Variants in RORB observed in about 807,000 individuals in gnomAD.
RORB encodes the protein RAR related orphan receptor B, also known as nuclear receptor ROR-beta.
RORB carries 6 observed loss-of-function variants against 59.1 expected under a neutral mutation model. That is an observed-to-expected ratio of 0.10 (90% CI 0.06 to 0.20). The LOEUF (loss-of-function observed/expected upper bound fraction) is 0.20, where lower values mean the gene tolerates loss of function less well. RORB is among the 10% of genes least tolerant of loss of function. The pLI is 1.00. For synonymous variants in RORB, 215 were observed against 204.5 expected (o/e 1.05, Z -0.44); for missense variants, 320 against 560.5 (o/e 0.57, Z 4.33).
At chr9:74,646,574 C>T (rs925963690) in intron 4 of RORB, among the ~76,000 whole-genome samples, 13 of 152,164 alleles carry the variant, frequency 8.5e-5, no homozygotes, top group African/African-American at 3.1e-4. Context: ...GAGCCTCACA[C>T]CAGTTCCTTC....
intron 2 of RORB, 65 bp downstream of exon 2, chr9:74,630,432 C>T (rs986107287): frequency 1.4e-5 from 16 of 1,120,632 alleles, no homozygotes; most frequent in South Asian, 1.1e-4. Flanking sequence ...TCACAAGATG[C>T]GGTGACACGT....
chr9:74,594,408 A>G (rs1248257050), intron 1 of RORB, among the ~76,000 whole-genome samples: 2 of 152,208 alleles, frequency 1.3e-5, no homozygotes, highest in African/African-American at 4.8e-5. Context: ...CAAAAGACCC[A>G]CAATCCTTAT....
intron 1 of RORB, among the ~76,000 whole-genome samples, chr9:74,551,341 T>A (rs2118165527): frequency 6.6e-6 from 1 of 152,316 alleles, no homozygotes; most frequent in South Asian, 2.1e-4. Context: ...ACTGGGGCCA[T>A]TTTTAAATAA....
chr9:74,497,656 G>A lies in RORB; in HGVS notation c.-321G>A, dbSNP rs1052117139. 5 of 447,992 alleles carry A rather than the reference G, an allele frequency of 1.1e-5. No individual in the cohort carries two copies. Among genetic ancestry groups the A allele is most frequent in the African/African-American group, 9.8e-5 (5 of 51,178 alleles). The allele number at this position is 447,992 out of a possible 1,614,324, so 27.8% of individuals were successfully genotyped here. ...TTTTAAAAAGCAAGCACATTGGAGA[G>A]AAAGAAAAAGAAAAACAAAACCAAA... On this transcript the variant is annotated 5_prime_UTR_variant, in exon 1 of 10. Transcript: ENST00000376896.
At position 74,595,909 on chromosome 9, in the gene RORB, C is replaced by A. The variant is rs533951780; in HGVS notation, c.8-34373C>A. Among the ~76,000 whole-genome samples the A allele has an allele frequency of 1.3e-3, 200 of 152,254 alleles. 2 individuals carry two copies. The highest frequency in any genetic ancestry group is 4.7e-3 in the African/African-American group (195 of 41,544). ...CAGATGTCCCACAGAACTGTGCGGT[C>A]CCTCTGTCTTAGCTAGTAAATTTCT... is the stretch of plus-strand genomic sequence containing the variant. On this transcript the variant is annotated intron_variant, in intron 1 of 9. Transcript: ENST00000376896.
At chr9:74,589,694 A>T (rs1822856586) in intron 1 of RORB, among the ~76,000 whole-genome samples, 1 of 152,202 alleles carries the variant, frequency 6.6e-6, no homozygotes, top group Admixed American at 6.5e-5. Context: ...GCACAGGATG[A>T]GTGTCACTGG....
At chr9:74,570,504 G>T (rs192967862) in intron 1 of RORB, among the ~76,000 whole-genome samples, 1 of 152,260 alleles carries the variant, frequency 6.6e-6, no homozygotes. Context: ...AGATAGAAAA[G>T]ATCGGCTTTA....
chr9:74,573,401 G>A (rs572499015), intron 1 of RORB, among the ~76,000 whole-genome samples: 1 of 149,508 alleles, frequency 6.7e-6, no homozygotes, highest in East Asian at 2.0e-4. Context: ...CAGAAGGCCA[G>A]GAAGCACTGC....
chr9:74,681,155 C>T (rs1374342088), intron 9 of RORB, among the ~76,000 whole-genome samples: 1 of 152,174 alleles, frequency 6.6e-6, no homozygotes, highest in African/African-American at 2.4e-5. Context: ...TTGACTACCC[C>T]CTCCATCTCC....
chr9:74,501,416 C>T (rs1249760062), intron 1 of RORB, among the ~76,000 whole-genome samples: 1 of 152,122 alleles, frequency 6.6e-6, no homozygotes, highest in Non-Finnish European at 1.5e-5. Flanking sequence ...AACAAGTTCT[C>T]TCTCTTAATT....
chr9:74,634,233 C>A (rs1226006489), intron 2 of RORB, among the ~76,000 whole-genome samples: 1 of 152,162 alleles, frequency 6.6e-6, no homozygotes, highest in Non-Finnish European at 1.5e-5. Context: ...ACCACCACAG[C>A]ACTTGACACA....
intron 9 of RORB, among the ~76,000 whole-genome samples, chr9:74,679,831 C>T (rs1202518691): frequency 6.6e-6 from 1 of 152,172 alleles, no homozygotes; most frequent in Admixed American, 6.5e-5. Context: ...CATTAAGACT[C>T]TTTGGCCTGT....
chr9:74,512,365 T>C (rs1334731399), intron 1 of RORB, among the ~76,000 whole-genome samples: 1 of 152,204 alleles, frequency 6.6e-6, no homozygotes, highest in Non-Finnish European at 1.5e-5. Context: ...CTACACTCTG[T>C]GGTAAATGAA....
rs567753198 is a variant in RORB, at chr9:74,575,597, G to C, written c.8-54685G>C. Among the ~76,000 whole-genome samples the C allele has an allele frequency of 5.3e-5, 8 of 152,090 alleles. No individual in the cohort carries two copies. The East Asian group carries it at 1.5e-3, about 29-fold the overall frequency. Reference sequence around the variant, plus strand: ...TCTTCCAGGACAAATGGATATGCCTGGACACTCACCAAGAAATAGGCTAAT... The same window carrying C: ...TCTTCCAGGACAAATGGATATGCCTCGACACTCACCAAGAAATAGGCTAAT... On this transcript the variant is annotated intron_variant, in intron 1 of 9. Transcript: ENST00000376896.
intron 1 of RORB, 61 bp downstream of exon 1, chr9:74,498,044 G>A (rs1285503698): frequency 2.5e-6 from 4 of 1,585,200 alleles, no homozygotes; most frequent in Non-Finnish European, 3.4e-6. Flanking sequence ...CAGACGGGGA[G>A]ATGGGGGAGG....
chr9:74,576,751 G>A (rs1822641850), intron 1 of RORB, among the ~76,000 whole-genome samples: 2 of 152,122 alleles, frequency 1.3e-5, no homozygotes, highest in South Asian at 4.2e-4. Flanking sequence ...TGCTGGTAGG[G>A]TTCCAAAAGC....
chr9:74,642,374 T>G, intron 3 of RORB, 40 bp from the exon 4 acceptor site: 2 of 1,559,334 alleles, frequency 1.3e-6, no homozygotes, highest in Admixed American at 1.9e-5. Context: ...ACGCGAATGA[T>G]AACCACAAGT....
intron 1 of RORB, among the ~76,000 whole-genome samples, chr9:74,574,889 C>T (rs1467129751): frequency 1.3e-5 from 2 of 152,124 alleles, no homozygotes; most frequent in Non-Finnish European, 2.9e-5. Flanking sequence ...AGGAGAGCCT[C>T]TTCCTATCGT....
At chr9:74,589,862 C>G (rs1263881381) in intron 1 of RORB, among the ~76,000 whole-genome samples, 1 of 152,152 alleles carries the variant, frequency 6.6e-6, no homozygotes, top group African/African-American at 2.4e-5. Flanking sequence ...ATGCCCTACT[C>G]TTTGCCACAA....
Sources: gnomAD v4.1 joint callset for allele counts (sites outside exome capture counted in the v4.1 genomes callset) on GRCh38, gnomAD v4.1.1 for gene constraint, MANE v1.5 for transcripts, NCBI Gene and HGNC (gene_info 2026-07-23, HGNC 2026-07-21) for gene names.